The following PRKAG2 variants were observed in gnomAD, a reference collection of about 807,000 sequenced individuals.
The protein encoded by PRKAG2 is 5'-AMP-activated protein kinase subunit gamma-2.
A neutral mutation model predicts 69.6 loss-of-function variants in PRKAG2; 26 were observed. The ratio of observed to expected loss-of-function variants is 0.37; its 90% CI spans 0.27 to 0.52. The LOEUF is 0.52. Ranked by LOEUF, PRKAG2 falls within the 20% of genes least tolerant of loss-of-function variation. The pLI, the probability that PRKAG2 is intolerant of heterozygous loss-of-function variation, is 0.90. For synonymous variants in PRKAG2, 293 were observed against 285.0 expected, an observed-to-expected ratio of 1.03 and a Z score of -0.28; for missense variants, 557 against 740.0, an observed-to-expected ratio of 0.75 and a Z score of 2.87.
chr7:151,868,647 G>A (rs1231218948), intron 1 of PRKAG2, among the ~76,000 whole-genome samples: 5 of 152,232 alleles, frequency 3.3e-5, no homozygotes, highest in Non-Finnish European at 7.3e-5. Flanking sequence ...CGGTGATCAC[G>A]TTCATTGGTC....
chr7:151,653,045 A>C (rs1307890872), intron 4 of PRKAG2, among the ~76,000 whole-genome samples: 1 of 149,040 alleles, frequency 6.7e-6, no homozygotes, highest in African/African-American at 2.6e-5. Context: ...AGTTAAAGGA[A>C]ATATCCCTTT....
intron 3 of PRKAG2, among the ~76,000 whole-genome samples, chr7:151,718,972 T>C (rs1231784985): frequency 1.3e-5 from 2 of 152,136 alleles, no homozygotes; most frequent in Admixed American, 6.5e-5. Context: ...TCTTGCCAAG[T>C]AGTTTCTTAG....
intron 3 of PRKAG2, among the ~76,000 whole-genome samples, chr7:151,743,059 C>T (rs933040753): frequency 6.6e-6 from 1 of 152,064 alleles, no homozygotes; most frequent in African/African-American, 2.4e-5. Flanking sequence ...TTCCGCCAGT[C>T]GATGATCCCA....
At chr7:151,670,184 G>A (rs1563387268) in intron 4 of PRKAG2, among the ~76,000 whole-genome samples, 1 of 151,948 alleles carries the variant, frequency 6.6e-6, no homozygotes, top group Non-Finnish European at 1.5e-5. Context: ...CCACACACAT[G>A]CACTCACATA....
At chr7:151,576,508 CTT>C (rs1208767401) in intron 6 of PRKAG2, 56 bp from the exon 7 acceptor site, 43 of 1,263,852 alleles carry the variant, frequency 3.4e-5, no homozygotes, top group Non-Finnish European at 3.9e-5. Flanking sequence ...AGAAAAATAC[CTT>C]TTTTTTTTGA....
At chr7:151,737,481 T>G (rs981896343) in intron 3 of PRKAG2, among the ~76,000 whole-genome samples, 1 of 152,162 alleles carries the variant, frequency 6.6e-6, no homozygotes, top group Non-Finnish European at 1.5e-5. Context: ...TAAAGATTAG[T>G]AGCCTGGGTT....
chr7:151,754,709 C>T (rs1417843004), intron 3 of PRKAG2, among the ~76,000 whole-genome samples: 1 of 137,636 alleles, frequency 7.3e-6, no homozygotes, highest in Non-Finnish European at 1.6e-5. Context: ...GCCCACCCAA[C>T]CCCCTCCGCC....
At chr7:151,847,067 C>G (rs2079449855) in intron 1 of PRKAG2, among the ~76,000 whole-genome samples, 1 of 152,194 alleles carries the variant, frequency 6.6e-6, no homozygotes, top group Non-Finnish European at 1.5e-5. Context: ...GGCCTTGTAC[C>G]TGTGCAAAGC....
At chr7:151,693,798 G>C (rs773109492) in intron 3 of PRKAG2, among the ~76,000 whole-genome samples, 17 of 152,210 alleles carry the variant, frequency 1.1e-4, no homozygotes, top group Non-Finnish European at 2.2e-4. Flanking sequence ...GCTGAAGCAG[G>C]TCCTCAGCAG....
chr7:151,824,775 G>T (rs1393903968), intron 1 of PRKAG2, among the ~76,000 whole-genome samples: 1 of 152,166 alleles, frequency 6.6e-6, no homozygotes, highest in Non-Finnish European at 1.5e-5. Context: ...CTTCTGTCCT[G>T]GCTTGCTGCT....
At chr7:151,690,048 TTGGTTGCA>T (rs1835422302) in intron 3 of PRKAG2, among the ~76,000 whole-genome samples, 1 of 152,172 alleles carries the variant, frequency 6.6e-6, no homozygotes, top group Non-Finnish European at 1.5e-5. Flanking sequence ...AACAAAAGTA[TTGGTTGCA>T]TCCTTTCAAA....
intron 3 of PRKAG2, among the ~76,000 whole-genome samples, chr7:151,751,678 T>A (rs1480677999): frequency 1.5e-5 from 1 of 68,482 alleles, no homozygotes; most frequent in Non-Finnish European, 3.0e-5. Flanking sequence ...GCTATTTTTG[T>A]TTGTTTGTTT....
intron 1 of PRKAG2, chr7:151,837,613 G>C (rs966983667): frequency 1.3e-5 from 2 of 152,262 alleles, no homozygotes; most frequent in African/African-American, 2.4e-5. Flanking sequence ...GCAGCCTCGA[G>C]GGGGGACTGC....
intron 1 of PRKAG2, among the ~76,000 whole-genome samples, chr7:151,832,265 A>AAGGGAGG (rs1194695866): frequency 2.7e-4 from 32 of 119,776 alleles, no homozygotes; most frequent in African/African-American, 1.4e-3. Context: ...GGAGGGAAGG[A>AAGGGAGG]AGGGAGGAGG....
intron 3 of PRKAG2, 74 bp from the exon 4 acceptor site, chr7:151,675,711 G>C: frequency 1.4e-6 from 2 of 1,424,886 alleles, no homozygotes; most frequent in Non-Finnish European, 2.0e-6. Context: ...CAGAGGTCTG[G>C]TCTCCAGGAA....
chr7:151,770,990 G>A (rs1186801659), intron 3 of PRKAG2, among the ~76,000 whole-genome samples: 1 of 152,070 alleles, frequency 6.6e-6, no homozygotes, highest in Non-Finnish European at 1.5e-5. Context: ...CAGCACTGTG[G>A]GCTTATGACC....
chr7:151,792,323 C>G (rs2151825811), intron 1 of PRKAG2, among the ~76,000 whole-genome samples: 1 of 152,320 alleles, frequency 6.6e-6, no homozygotes, highest in East Asian at 1.9e-4. Flanking sequence ...TCTAAAAAAT[C>G]CCACCACCAA....
rs951369987 is a variant in PRKAG2 at position 151,807,994 on chromosome 7, C to G, written c.115-21453G>C. ...CGTAACCCCTCCCTACAAACTACCCCCTTTCCCTCTGCCCAAGTGAGCACA... is the reference window on the plus strand; with the variant it reads ...CGTAACCCCTCCCTACAAACTACCCGCTTTCCCTCTGCCCAAGTGAGCACA... On this transcript the variant is annotated intron_variant, in intron 1 of 15. Transcript: ENST00000287878. This position sits in a 1 kb window ranked among gnomAD's most constrained non-coding sequence, Gnocchi z 4.4. 2.0e-5 allele frequency among the ~76,000 whole-genome samples: 3 copies of G among 152,132 alleles called. No homozygotes were observed. Among genetic ancestry groups the G allele is most frequent in the African/African-American group, 7.2e-5 (3 of 41,412 alleles).
intron 1 of PRKAG2, among the ~76,000 whole-genome samples, chr7:151,795,274 C>T (rs541599918): frequency 2.0e-5 from 3 of 152,240 alleles, no homozygotes; most frequent in East Asian, 1.9e-4. Context: ...TGGGAGGCCC[C>T]GGGACATGCA....
Sources: gnomAD v4.1 joint callset for allele counts (sites outside exome capture counted in the v4.1 genomes callset) on GRCh38, gnomAD v4.1.1 for gene constraint, Gnocchi (gnomAD v3.1) non-coding constraint, MANE v1.5 for transcripts, NCBI Gene and HGNC (gene_info 2026-07-23, HGNC 2026-07-21) for gene names.